The following C19orf25 variants were observed in gnomAD, a reference collection of about 807,000 sequenced individuals.
C19orf25 encodes the protein chromosome 19 open reading frame 25, also known as UPF0449 protein C19orf25.
A neutral mutation model predicts 3.1 loss-of-function variants in C19orf25; 1 was observed. That is an observed-to-expected ratio of 0.32 (90% CI 0.12 to 1.54). C19orf25 has a LOEUF of 1.54. Ranked by LOEUF, C19orf25 falls within the 40% of genes most tolerant of loss-of-function variation. The probability of loss-of-function intolerance (pLI) is 0.38; values close to 1 mark genes in which losing one functional copy is unlikely to be tolerated. For synonymous variants in C19orf25, 91 were observed against 74.3 expected, an observed-to-expected ratio of 1.23 and a Z score of -1.16; for missense variants, 196 against 160.4, an observed-to-expected ratio of 1.22 and a Z score of -1.20.
intron 2 of C19orf25, chr19:1,476,533 C>G (rs1475019192): frequency 1.6e-5 from 6 of 377,758 alleles, no homozygotes; most frequent in Non-Finnish European, 2.8e-5. Context: ...GCCCACAGAA[C>G]CTTCCAGATG....
chr19:1,477,971 C>A (rs2084222833), intron 2 of C19orf25, among the ~76,000 whole-genome samples: 1 of 152,140 alleles, frequency 6.6e-6, no homozygotes, highest in Non-Finnish European at 1.5e-5. Context: ...TCCTGAGTGG[C>A]TGGGATTACA....
At chr19:1,478,693 G>C (rs1410696836) in intron 2 of C19orf25, 81 bp downstream of exon 2, 1 of 1,526,696 alleles carries the variant, frequency 6.6e-7, no homozygotes, top group African/African-American at 1.4e-5. Context: ...GTGGGGTCAG[G>C]AGTTAGGGGT....
rs550471003 is a variant in C19orf25, at chr19:1,475,241, T to C, written c.148A>G (p.Arg50Gly). ...GGGGCCTCCGCATCCTCCATCATCC[T>C]GAAGGGAACTGGGGGGTCTGAGACA... The part of the protein sequence containing the change: ...LAPEDPPVPF[R>G]MMEDAEAPGE... Residue 50 changes from arginine to glycine, a missense_variant, in exon 3 of 3, where the codon AGG becomes GGG. Arg to Gly is a moderately radical substitution (Grantham distance 125, BLOSUM62 -2). Transcript: ENST00000585675. 56 of 1,555,268 alleles carry C rather than the reference T, an allele frequency of 3.6e-5. 1 individual carries two copies. The South Asian group carries it at 5.8e-4, about 16-fold the overall frequency.
intron 1 of C19orf25, 26 bp downstream of exon 1, chr19:1,479,137 C>G (rs1001359445): frequency 7.7e-7 from 1 of 1,305,532 alleles, no homozygotes; most frequent in Non-Finnish European, 9.7e-7. Flanking sequence ...TCCCCGCGGT[C>G]ACCCCAGTCG....
chr19:1,475,970 G>A (rs1003972393), intron 2 of C19orf25: 28 of 379,150 alleles, frequency 7.4e-5, no homozygotes, highest in African/African-American at 2.7e-4. Flanking sequence ...AGCCAGAGAC[G>A]CAACAAGCCC....
Position 1,478,821 on chromosome 19 carries a change from C to T in C19orf25, c.83G>A (p.Arg28Gln). The T allele has an allele frequency of 6.3e-7, 1 of 1,591,808 alleles. No homozygotes were observed. Residue 28 changes from arginine to glutamine, a missense_variant, in exon 2 of 3, where the codon CGG (arginine) becomes CAG (glutamine). Coordinates refer to ENST00000585675, the MANE Select transcript of C19orf25 (RefSeq NM_152482.3). ...PTVEQILEDV[R>Q]GAPAEDPVFT... ...CACTGGATCCTCTGCCGGCGCACCCCGCACATCCTCCAGGATCTGCTCCAC... is the reference window on the plus strand; with the variant it reads ...CACTGGATCCTCTGCCGGCGCACCCTGCACATCCTCCAGGATCTGCTCCAC...
rs533017181 is a variant in C19orf25 at position 1,474,964 on chromosome 19, C to T, written c.*68G>A. On this transcript the variant is annotated 3_prime_UTR_variant, in exon 3 of 3. Transcript: ENST00000585675. ...CCCGTGAATGCCAGTCTGGGGCCGA[C>T]GGACCCCCAGGGAAAGCCTGGGTGC... The T allele has an allele frequency of 1.2e-4, 189 of 1,531,834 alleles. 1 individual carries two copies. Among genetic ancestry groups the T allele is most frequent in the Middle Eastern group, 1.2e-3 (7 of 5,978 alleles). The allele number at this position is 1,531,834 out of a possible 1,614,324, so 94.9% of individuals were successfully genotyped here.
chr19:1,476,372 C>G, intron 2 of C19orf25: 1 of 398,010 alleles, frequency 2.5e-6, no homozygotes. Context: ...TCTGTGAGCG[C>G]CCCCCGTCCC....
intron 2 of C19orf25, chr19:1,478,430 T>C: frequency 4.1e-6 from 2 of 486,792 alleles, no homozygotes; most frequent in Non-Finnish European, 3.3e-6. Flanking sequence ...TTTGTTTTTG[T>C]TTTTGTTTTG....
chr19:1,477,906 C>T (rs2084222152), intron 2 of C19orf25, among the ~76,000 whole-genome samples: 1 of 152,162 alleles, frequency 6.6e-6, no homozygotes, highest in Admixed American at 6.5e-5. Flanking sequence ...GTTGCGTGAT[C>T]TCAGCTCACT....
intron 2 of C19orf25, 66 bp downstream of exon 2, chr19:1,478,708 T>G: frequency 6.5e-7 from 1 of 1,533,024 alleles, no homozygotes. Flanking sequence ...AGGGGTGTGC[T>G]TCTCTCCCGT....
intron 2 of C19orf25, among the ~76,000 whole-genome samples, chr19:1,476,849 C>G (rs1317868227): frequency 7.9e-5 from 12 of 152,216 alleles, no homozygotes; most frequent in Non-Finnish European, 1.5e-4. Flanking sequence ...CTCCTGGCCT[C>G]AAGTCATCCT....
chr19:1,478,312 C>G (rs1981846880), intron 2 of C19orf25: 1 of 219,258 alleles, frequency 4.6e-6, no homozygotes, highest in African/African-American at 2.3e-5. Flanking sequence ...GCGATCTCGG[C>G]TCACTGCAAA....
rs2084193519 is a variant in C19orf25 at position 1,475,253 on chromosome 19, G to C, written c.136C>G (p.Pro46Ala). The C allele has an allele frequency of 2.6e-6, 4 of 1,550,256 alleles. No homozygotes were observed. The highest frequency in any genetic ancestry group is 3.5e-6 in the Non-Finnish European group (4 of 1,146,226). ...VFTILAPEDP[P>A]VPFRMMEDAE... ...TCCTCCATCATCCTGAAGGGAACTG[G>C]GGGGTCTGAGACAGGACACAGCAGC... is the stretch of plus-strand genomic sequence containing the variant. Residue 46 changes from proline (P) to alanine (A), a missense_variant, in exon 3 of 3, where the codon CCA (proline) becomes GCA (alanine). Physicochemically the swap from Pro to Ala is conservative, Grantham distance 27 (BLOSUM62 -1). Transcript: ENST00000585675.
At position 1,473,630 on chromosome 19, in the gene C19orf25, G is replaced by C. The variant is rs2084172843; in HGVS notation, c.*1402C>G. The C allele has an allele frequency of 6.6e-6, 1 of 152,470 alleles. No individual in the cohort carries two copies. The highest frequency in any genetic ancestry group is 1.5e-5 in the Non-Finnish European group (1 of 68,222). 9.4% of individuals were successfully genotyped at this position (152,470 alleles called of 1,614,324 possible). A position where few individuals can be genotyped will look rare whatever the true frequency, so the allele number is the denominator to read the frequency against. ...GGGGCAGCCACAGCAGCCACTACCG[G>C]GGAGAGTCAATGGTGGACAGGGGCT... is the stretch of plus-strand genomic sequence containing the variant. On this transcript the variant is annotated 3_prime_UTR_variant, in exon 3 of 3. Transcript: ENST00000585675.
Position 1,473,769 on chromosome 19 carries a change from G to A in C19orf25, c.*1263C>T, listed in dbSNP as rs1317697179. 1 of 152,460 alleles carries A rather than the reference G, an allele frequency of 6.6e-6. No individual in the cohort carries two copies. Among genetic ancestry groups the A allele is most frequent in the African/African-American group, 2.4e-5 (1 of 41,470 alleles). The allele number at this position is 152,460 out of a possible 1,614,324, so 9.4% of individuals were successfully genotyped here. ...GCAGCACAGAAGTGCAGGGTGGGAAGGGATGGCAGGAGCCGGCCCCCTCCC... is the reference window on the plus strand; with the variant it reads ...GCAGCACAGAAGTGCAGGGTGGGAAAGGATGGCAGGAGCCGGCCCCCTCCC... On this transcript the variant is annotated 3_prime_UTR_variant, in exon 3 of 3. Transcript: ENST00000585675.
rs572898697 is a variant in C19orf25, at chr19:1,474,685, C to T, written c.*347G>A. 1,795 of 905,456 alleles carry T rather than the reference C, an allele frequency of 2.0e-3. 8 individuals carry two copies. The highest frequency in any genetic ancestry group is 4.9e-3 in the Middle Eastern group (14 of 2,842). The allele number at this position is 905,456 out of a possible 1,614,324, so 56.1% of individuals were successfully genotyped here. A position where few individuals can be genotyped will look rare whatever the true frequency, so the allele number is the denominator to read the frequency against. On this transcript the variant is annotated 3_prime_UTR_variant, in exon 3 of 3. Transcript: ENST00000585675. ...TCAGAAGTGGACAGGCGAGTGCCTG[C>T]CCCGGGAGAGGAAGGAGGTGGCACC...
In C19orf25 at chr19:1,473,864, G is replaced by A. The variant is rs569808687; in HGVS notation, c.*1168C>T. On this transcript the variant is annotated 3_prime_UTR_variant, in exon 3 of 3. Transcript: ENST00000585675. Reference sequence around the variant, plus strand: ...GAGCAGCTTCAGAAGCATGACCAGTGAGAAGTCCCTAGGGCCCAGGCCGGG... The same window carrying A: ...GAGCAGCTTCAGAAGCATGACCAGTAAGAAGTCCCTAGGGCCCAGGCCGGG... 2 of 152,466 alleles carry A rather than the reference G, an allele frequency of 1.3e-5. No individual in the cohort carries two copies. Among genetic ancestry groups the A allele is most frequent in the African/African-American group, 2.4e-5 (1 of 41,590 alleles). 9.4% of individuals were successfully genotyped at this position (152,466 alleles called of 1,614,324 possible). A position where few individuals can be genotyped will look rare whatever the true frequency, so the allele number is the denominator to read the frequency against.
chr19:1,476,247 TC>T (rs1452073761), intron 2 of C19orf25: 5 of 398,594 alleles, frequency 1.3e-5, no homozygotes, highest in Non-Finnish European at 2.2e-5. Context: ...GGACGAAGGC[TC>T]CACGTGCCGC....
Sources: allele counts gnomAD v4.1 joint callset (sites outside exome capture counted in the v4.1 genomes callset), GRCh38; gene constraint gnomAD v4.1.1; transcripts MANE v1.5; gene names NCBI Gene and HGNC (gene_info 2026-07-23, HGNC 2026-07-21).